MAP3K1: variants seen among roughly 807,000 people sequenced by gnomAD.
The protein encoded by MAP3K1 is MAP/ERK kinase kinase 1.
Under a neutral mutation model 144.2 loss-of-function variants are expected in MAP3K1, and 36 were observed. The observed-to-expected ratio is 0.25, with a 90% confidence interval of 0.19 to 0.33. The LOEUF (loss-of-function observed/expected upper bound fraction) is 0.33, where lower values mean the gene tolerates loss of function less well. MAP3K1 is among the 10% of genes least tolerant of loss of function. The pLI, the probability that MAP3K1 is intolerant of heterozygous loss-of-function variation, is 1.00. For synonymous variants in MAP3K1, 718 were observed against 688.7 expected (o/e 1.04, Z -0.67); for missense variants, 1,650 against 1,881.9 (o/e 0.88, Z 2.28).
chr5:56,830,167 A>G (rs1327854000), intron 1 of MAP3K1, among the ~76,000 whole-genome samples: 1 of 152,220 alleles, frequency 6.6e-6, no homozygotes, highest in Non-Finnish European at 1.5e-5. Flanking sequence ...ATTGTGTAAT[A>G]TAATGCTTTC....
intron 1 of MAP3K1, among the ~76,000 whole-genome samples, chr5:56,821,158 C>G (rs1746142897): frequency 6.6e-6 from 1 of 152,134 alleles, no homozygotes; most frequent in South Asian, 2.1e-4. Flanking sequence ...TCTTTATTTA[C>G]TCTATGGCAT....
At chr5:56,825,922 A>G (rs1461555422) in intron 1 of MAP3K1, among the ~76,000 whole-genome samples, 1 of 150,842 alleles carries the variant, frequency 6.6e-6, no homozygotes, top group Admixed American at 6.6e-5. Flanking sequence ...TGCTCCCGTC[A>G]TTTCAGCATC....
chr5:56,855,167 T>TC (rs1747301526), intron 1 of MAP3K1, among the ~76,000 whole-genome samples: 1 of 151,270 alleles, frequency 6.6e-6, no homozygotes, highest in Admixed American at 6.6e-5. Context: ...CTTCTCTCCA[T>TC]CCCCCCTTCC....
At chr5:56,832,813 T>G (rs1287760346) in intron 1 of MAP3K1, among the ~76,000 whole-genome samples, 8 of 152,224 alleles carry the variant, frequency 5.3e-5, no homozygotes, top group Non-Finnish European at 1.0e-4. Context: ...TAAATTAAAT[T>G]ATCTATTTAG....
chr5:56,858,667 A>G (rs962505207), intron 2 of MAP3K1, among the ~76,000 whole-genome samples: 1 of 152,252 alleles, frequency 6.6e-6, no homozygotes, highest in African/African-American at 2.4e-5. Flanking sequence ...AGAGTAATAC[A>G]TGAAATATCA....
In MAP3K1 at chr5:56,888,246, T is replaced by C. The variant is rs547649904; in HGVS notation, c.4278T>C (p.Tyr1426=). ...TTTAGGTACTAAGAGGTCAACAGTA[T>C]GGAAGGAGCTGTGATGTATGGAGTG... ...MAPEVLRGQQ[Y]GRSCDVWSVG... The change falls in exon 19 of 20, where the codon TAT becomes TAC. Residue 1426 remains tyrosine, a synonymous_variant. Coordinates refer to ENST00000399503, the MANE Select transcript of MAP3K1 (RefSeq NM_005921.2). The C allele has an allele frequency of 1.6e-4, 258 of 1,613,842 alleles. No homozygotes were observed. In the South Asian group the frequency reaches 2.6e-3, roughly 16 times the overall value.
intron 9 of MAP3K1, among the ~76,000 whole-genome samples, chr5:56,874,598 C>T (rs375280267): frequency 2.0e-5 from 3 of 152,280 alleles, no homozygotes; most frequent in East Asian, 1.9e-4. Flanking sequence ...TTGAAACCTT[C>T]TCCTGGTGCT....
At chr5:56,816,122 G>A in intron 1 of MAP3K1, 67 bp downstream of exon 1, 2 of 1,177,350 alleles carry the variant, frequency 1.7e-6, no homozygotes, top group East Asian at 3.6e-5. Flanking sequence ...AATGAACCCC[G>A]GGCACCATGC....
intron 1 of MAP3K1, among the ~76,000 whole-genome samples, chr5:56,817,896 C>T (rs1005529559): frequency 6.6e-6 from 1 of 152,046 alleles, no homozygotes; most frequent in Non-Finnish European, 1.5e-5. Context: ...AATAAGAGGA[C>T]TAAGGTGGAG....
intron 1 of MAP3K1, among the ~76,000 whole-genome samples, chr5:56,819,281 A>G (rs1463626450): frequency 2.0e-5 from 3 of 152,228 alleles, no homozygotes; most frequent in Non-Finnish European, 4.4e-5. Context: ...GTTAGATACG[A>G]AAAACAGGAA....
At chr5:56,876,831 T>G (rs1748048146) in intron 10 of MAP3K1, among the ~76,000 whole-genome samples, 1 of 152,254 alleles carries the variant, frequency 6.6e-6, no homozygotes, top group Non-Finnish European at 1.5e-5. Context: ...GTTATCATTA[T>G]TTCTTAAACA....
intron 1 of MAP3K1, among the ~76,000 whole-genome samples, chr5:56,845,816 G>C (rs1404291479): frequency 1.3e-5 from 2 of 152,162 alleles, no homozygotes; most frequent in Non-Finnish European, 2.9e-5. Context: ...AATGTCAAAA[G>C]AATACAAGGT....
At position 56,865,354 on chromosome 5, in the gene MAP3K1, A is replaced by C. The variant is rs753373693; in HGVS notation, c.1050A>C (p.Ala350=). ...TAACTCTTTAGAACTGCAGCTGTGC[A>C]CGTGGAACATTCTGTATTCATCTGC... ...VFIGPQNCSC[A]RGTFCIHLLF... The change falls in exon 5 of 20, where the codon GCA becomes GCC. Residue 350 remains alanine (A), a synonymous_variant. Coordinates refer to ENST00000399503, the MANE Select transcript of MAP3K1 (RefSeq NM_005921.2). 8.1e-6 allele frequency: 13 copies of C among 1,604,748 alleles called. No homozygotes were observed. The South Asian group carries it at 1.4e-4, about 18-fold the overall frequency.
chr5:56,862,894 G>C (rs1449506823), intron 3 of MAP3K1, among the ~76,000 whole-genome samples: 1 of 152,100 alleles, frequency 6.6e-6, no homozygotes, highest in East Asian at 1.9e-4. Context: ...TATATTCACA[G>C]GGTTGTGTAG....
chr5:56,887,907 G>T, intron 18 of MAP3K1: 1 of 444,598 alleles, frequency 2.2e-6, no homozygotes, highest in Non-Finnish European at 4.1e-6. Context: ...TTGTTCTTCT[G>T]ACTCAGCTTC....
Position 56,859,849 on chromosome 5 carries a change from C to A in MAP3K1, c.768C>A (p.Ser256=), listed in dbSNP as rs1235976491. Reference sequence around the variant, plus strand: ...GACGCAGTCCTTCTCCTGGCAACTCCCCATCAGGTCGCACAGTGAAATCAG... The same window carrying A: ...GACGCAGTCCTTCTCCTGGCAACTCACCATCAGGTCGCACAGTGAAATCAG... ...KGRRSPSPGN[S]PSGRTVKSES... The change falls in exon 3 of 20, where the codon TCC becomes TCA. Residue 256 remains serine (S), a synonymous_variant. Transcript: ENST00000399503. The A allele has an allele frequency of 6.2e-7, 1 of 1,613,670 alleles. No homozygotes were observed. The highest frequency in any genetic ancestry group is 8.5e-7 in the Non-Finnish European group (1 of 1,179,910).
Position 56,815,637 on chromosome 5 carries a change from C to T in MAP3K1, c.64C>T (p.Pro22Ser), listed in dbSNP as rs777667605. 49 of 1,334,396 alleles carry T rather than the reference C, an allele frequency of 3.7e-5. 1 individual carries two copies. The South Asian group carries it at 9.5e-4, about 26-fold the overall frequency. 82.7% of individuals were successfully genotyped at this position (1,334,396 alleles called of 1,614,324 possible). A position where few individuals can be genotyped will look rare whatever the true frequency, so the allele number is the denominator to read the frequency against. The change falls in exon 1 of 20, where the codon CCT becomes TCT. Residue 22 changes from proline (P) to serine (S), a missense_variant. Coordinates refer to ENST00000399503, the MANE Select transcript of MAP3K1 (RefSeq NM_005921.2). ...ATTCCCGGGCGCCAGGGCTACGAGC[C>T]CTGAGGCAGGCGGCGGCGGAGGAGC... ...SGFPGARATS[P>S]EAGGGGGALK... is the part of the protein sequence containing the mutation.
intron 19 of MAP3K1, among the ~76,000 whole-genome samples, chr5:56,888,976 CTCTGT>C: frequency 6.6e-6 from 1 of 152,062 alleles, no homozygotes; most frequent in African/African-American, 2.4e-5. Flanking sequence ...GGTAGTTATG[CTCTGT>C]TAAGTTGCTA....
chr5:56,857,172 G>C (rs1747367289), intron 2 of MAP3K1, among the ~76,000 whole-genome samples: 1 of 152,156 alleles, frequency 6.6e-6, no homozygotes, highest in Admixed American at 6.5e-5. Context: ...TAAGTGTAAT[G>C]ATTGGGTTTT....
Sources: gnomAD v4.1 joint callset for allele counts (sites outside exome capture counted in the v4.1 genomes callset) on GRCh38, gnomAD v4.1.1 for gene constraint, MANE v1.5 for transcripts, NCBI Gene and HGNC (gene_info 2026-07-23, HGNC 2026-07-21) for gene names.